PPIC: variants seen among roughly 807,000 people sequenced by gnomAD.
PPIC encodes peptidylprolyl isomerase C.
A neutral mutation model predicts 19.5 loss-of-function variants in PPIC; 19 were observed. The observed-to-expected ratio is 0.98, with a 90% CI of 0.68 to 1.43. PPIC has a LOEUF of 1.43. Among genes scored for constraint, PPIC ranks in the 40% most tolerant of loss-of-function variants. PPIC has a pLI of 0.00. For missense variants in PPIC, 268 were observed against 268.6 expected (o/e 1.00, Z 0.02); for synonymous variants, 107 against 101.2 (o/e 1.06, Z -0.34).
chr5:123,033,503 G>A (rs1433171595), intron 1 of PPIC, among the ~76,000 whole-genome samples: 3 of 152,146 alleles, frequency 2.0e-5, no homozygotes, highest in Non-Finnish European at 2.9e-5. Flanking sequence ...ACCTTCCGCC[G>A]CCGTGACTGG....
chr5:123,030,989 TG>T (rs1265684003), intron 1 of PPIC, among the ~76,000 whole-genome samples: 1 of 152,140 alleles, frequency 6.6e-6, no homozygotes, highest in African/African-American at 2.4e-5. Flanking sequence ...CATGAGCAGA[TG>T]AAGAAAAAGT....
Position 123,028,834 on chromosome 5 carries a change from C to G in PPIC, c.266G>C (p.Arg89Pro). 6.2e-7 allele frequency: 1 copy of G among 1,613,472 alleles called. No individual in the cohort carries two copies. Among genetic ancestry groups the G allele is most frequent in the South Asian group, 1.1e-5 (1 of 91,056 alleles). The change falls in exon 3 of 5, where the codon CGT becomes CCT. Residue 89 changes from arginine (R) to proline (P), a missense_variant. Coordinates refer to ENST00000306442, the MANE Select transcript of PPIC (RefSeq NM_000943.5). ...TTGAATCATGAAATCCTTGATGACA[C>G]GATGAAACTTGCTTCCTTTATATCC... ...GYGYKGSKFHRVIKDFMIQGG... is the reference protein window; with the variant it reads ...GYGYKGSKFHPVIKDFMIQGG...
intron 3 of PPIC, 145 bp from the exon 4 acceptor site, chr5:123,026,113 G>A: frequency 1.5e-6 from 1 of 681,870 alleles, no homozygotes; most frequent in Non-Finnish European, 2.4e-6. Context: ...AAGCAGACAT[G>A]AAGGAGGGAA....
chr5:123,029,289 T>C lies in PPIC; in HGVS notation c.231+16A>G, dbSNP rs1762909794. ...GAAAGAAGACCCAATTTAAAGGAAA[T>C]AAAATTGAGACATACCTCTCCTGTT... On this transcript the variant is annotated intron_variant, in intron 2 of 4. Transcript: ENST00000306442. The C allele has an allele frequency of 1.2e-6, 2 of 1,613,946 alleles. No individual in the cohort carries two copies. The highest frequency in any genetic ancestry group is 8.5e-7 in the Non-Finnish European group (1 of 1,179,964).
Position 123,028,786 on chromosome 5 carries a change from T to G in PPIC, c.314A>C (p.Asp105Ala). The change falls in exon 3 of 5, where the codon GAT becomes GCT. Residue 105 changes from aspartate to alanine, a missense_variant. Asp to Ala is a moderately radical substitution (Grantham distance 126). Transcript: ENST00000306442. Reference protein sequence around the residue: ...MIQGGDITTGDGTGGVSIYGE... With the variant: ...MIQGGDITTGAGTGGVSIYGE... Reference sequence around the variant, plus strand: ...TGCAAAGACGTTACCCCCAGTGCCATCTCCAGTGGTGATGTCACCTCCTTG... The same window carrying G: ...TGCAAAGACGTTACCCCCAGTGCCAGCTCCAGTGGTGATGTCACCTCCTTG... 1 of 1,612,240 alleles carries G rather than the reference T, an allele frequency of 6.2e-7. No homozygotes were observed. The highest frequency in any genetic ancestry group is 8.5e-7 in the Non-Finnish European group (1 of 1,178,702).
At position 123,036,552 on chromosome 5, in the gene PPIC, C is replaced by T. The variant is rs368306220; in HGVS notation, c.74G>A (p.Gly25Glu). ...GCCTCGCTTGCGGAAGCCCTCGGCC[C>T]CCGAAGAAAACACAAGTGCGCCGAG... ...VGLGALVFSS[G>E]AEGFRKRGPS... Residue 25 changes from glycine (G) to glutamate (E), a missense_variant, in exon 1 of 5, where the codon GGG (glycine) becomes GAG (glutamate). Gly to Glu is a moderately conservative substitution (Grantham distance 98). Coordinates refer to ENST00000306442, the MANE Select transcript of PPIC (RefSeq NM_000943.5). This position sits in a 1 kb window ranked among gnomAD's most constrained non-coding sequence, Gnocchi z 4.5. 2 of 1,604,732 alleles carry T rather than the reference C, an allele frequency of 1.2e-6. No homozygotes were observed. The highest frequency in any genetic ancestry group is 2.7e-5 in the African/African-American group (2 of 74,854).
At chr5:123,029,143 G>T (rs746913367) in intron 2 of PPIC, 162 bp downstream of exon 2, 1 of 1,350,992 alleles carries the variant, frequency 7.4e-7, no homozygotes, top group South Asian at 1.4e-5. Flanking sequence ...AAGCCTAAGG[G>T]CACTGAGTGC....
At position 123,036,655 on chromosome 5, in the gene PPIC, C is replaced by A. The variant is rs757912741; in HGVS notation, c.-30G>T. ...AGCGGTGGCAGCGGCGCTACCGGCA[C>A]GGGCGCTACCGGCACGGGCGCGACA... is the stretch of plus-strand genomic sequence containing the variant. On this transcript the variant is annotated 5_prime_UTR_variant, in exon 1 of 5. Transcript: ENST00000306442. The surrounding 1 kb of genome is among the most constrained non-coding windows in gnomAD (Gnocchi z 4.5). 56 of 1,531,892 alleles carry A rather than the reference C, an allele frequency of 3.7e-5. No homozygotes were observed. Among genetic ancestry groups the A allele is most frequent in the Non-Finnish European group, 5.0e-5 (56 of 1,131,214 alleles). The allele number at this position is 1,531,892 out of a possible 1,614,324, so 94.9% of individuals were successfully genotyped here.
In PPIC at chr5:123,023,988, T is replaced by TGG. The variant is rs1762812341; in HGVS notation, c.524_525dup (p.Ile176ProfsTer2). 6 of 1,613,400 alleles carry TGG rather than the reference T, an allele frequency of 3.7e-6. No individual in the cohort carries two copies. Among genetic ancestry groups the TGG allele is most frequent in the East Asian group, 2.2e-5 (1 of 44,864 alleles). On this transcript the variant is annotated frameshift_variant, in exon 5 of 5. Coordinates refer to ENST00000306442, the MANE Select transcript of PPIC (RefSeq NM_000943.5). LOFTEE classifies it high-confidence loss of function. ...TGCCCATCAGTTGCTTGGAGCTCTA[T>TGG]GGAGTGCACCACTGTCTGGTGAGAG...
At position 123,024,937 on chromosome 5, in the gene PPIC, A is replaced by C. The variant is rs529621501; in HGVS notation, c.510+847T>G. 2.6e-5 allele frequency among the ~76,000 whole-genome samples: 4 copies of C among 152,312 alleles called. No individual in the cohort carries two copies. The South Asian group carries it at 8.3e-4, about 32-fold the overall frequency. On this transcript the variant is annotated intron_variant, in intron 4 of 4. Transcript: ENST00000306442. ...CACCTGTAAGGCAGAAATATTGAGA[A>C]AGAAAGGGAATGAGGGTTTTAAGAA...
intron 1 of PPIC, among the ~76,000 whole-genome samples, chr5:123,032,879 G>GT (rs1762960691): frequency 6.6e-6 from 1 of 152,102 alleles, no homozygotes; most frequent in Non-Finnish European, 1.5e-5. Context: ...TCAGTCACTT[G>GT]TTTTTTCCCT....
chr5:123,032,755 A>G (rs1432504412), intron 1 of PPIC, among the ~76,000 whole-genome samples: 1 of 152,204 alleles, frequency 6.6e-6, no homozygotes, highest in African/African-American at 2.4e-5. Context: ...AGATTTTATA[A>G]GACAAGTACA....
chr5:123,028,743 T>G (rs556094111), intron 3 of PPIC, 32 bp downstream of exon 3: 2 of 1,563,896 alleles, frequency 1.3e-6, no homozygotes, highest in South Asian at 2.3e-5. Context: ...TTCGGTTTGG[T>G]AAATGGGAAA....
chr5:123,024,950 A>C (rs1009213756), intron 4 of PPIC, among the ~76,000 whole-genome samples: 24 of 152,108 alleles, frequency 1.6e-4, no homozygotes, highest in African/African-American at 5.6e-4. Context: ...AAAGGGAATG[A>C]GGGTTTTAAG....
rs35413555 is a variant in PPIC at position 123,023,308 on chromosome 5, G to A, written c.*567C>T. On this transcript the variant is annotated 3_prime_UTR_variant, in exon 5 of 5. Transcript: ENST00000306442. Reference sequence around the variant, plus strand: ...ATAAAATCTTTCTAATCTGTTCACTGTTAATGCTAGAGTGTGTGTATTTTT... The same window carrying A: ...ATAAAATCTTTCTAATCTGTTCACTATTAATGCTAGAGTGTGTGTATTTTT... 0.027 allele frequency: 4,110 copies of A among 152,304 alleles called. 73 individuals carry two copies. Among genetic ancestry groups the A allele is most frequent in the Non-Finnish European group, 0.037 (2,545 of 68,040 alleles). The allele number at this position is 152,304 out of a possible 1,614,324, so 9.4% of individuals were successfully genotyped here. A position where few individuals can be genotyped will look rare whatever the true frequency, so the allele number is the denominator to read the frequency against.
intron 4 of PPIC, among the ~76,000 whole-genome samples, chr5:123,024,455 A>G (rs962289816): frequency 6.6e-6 from 1 of 152,200 alleles, no homozygotes; most frequent in Non-Finnish European, 1.5e-5. Flanking sequence ...AAATGGACCT[A>G]GTTCTAGGTT....
intron 4 of PPIC, among the ~76,000 whole-genome samples, chr5:123,025,200 G>T (rs1762833845): frequency 6.6e-6 from 1 of 152,150 alleles, no homozygotes; most frequent in Non-Finnish European, 1.5e-5. Context: ...ATTTGTAAGT[G>T]CACAGTGCAG....
intron 4 of PPIC, among the ~76,000 whole-genome samples, chr5:123,024,972 C>T (rs552284416): frequency 8.5e-5 from 13 of 152,088 alleles, no homozygotes; most frequent in African/African-American, 1.9e-4. Context: ...AGTGTTCCTA[C>T]GGGTTGTGAA....
Position 123,036,462 on chromosome 5 carries a change from G to A in PPIC, c.117+47C>T, listed in dbSNP as rs780009509. The stretch of plus-strand genomic sequence containing the variant: ...GTCCCAGTATCCAAAGCGCCCCCAG[G>A]GCCCCGCCCGCAACAGGGGAAGTTG... On this transcript the variant is annotated intron_variant, in intron 1 of 4. Transcript: ENST00000306442. This position sits in a 1 kb window ranked among gnomAD's most constrained non-coding sequence, Gnocchi z 4.5. 1.8e-5 allele frequency: 28 copies of A among 1,541,366 alleles called. No homozygotes were observed. In the Admixed American group the frequency reaches 4.8e-4, roughly 27 times the overall value.
Sources: allele counts gnomAD v4.1 joint callset (sites outside exome capture counted in the v4.1 genomes callset), GRCh38; gene constraint gnomAD v4.1.1; non-coding constraint Gnocchi (gnomAD v3.1); transcripts MANE v1.5; gene names NCBI Gene and HGNC (gene_info 2026-07-23, HGNC 2026-07-21).